The following POF1B variants were observed in gnomAD, a reference collection of about 807,000 sequenced individuals.
POF1B encodes protein POF1B.
Under a neutral mutation model 55.3 loss-of-function variants are expected in POF1B, and 53 were observed. The ratio of observed to expected loss-of-function variants is 0.96; its 90% CI spans 0.77 to 1.20. POF1B has a LOEUF of 1.20. POF1B is among the 50% of genes most tolerant of loss of function. The pLI, the probability that POF1B is intolerant of heterozygous loss-of-function variation, is 0.00. For synonymous variants in POF1B, 188 were observed against 148.3 expected, an observed-to-expected ratio of 1.27 and a Z score of -1.95; for missense variants, 478 against 420.5, an observed-to-expected ratio of 1.14 and a Z score of -1.20.
In POF1B at chrX:85,314,476, C is replaced by G. The variant is rs142142850; in HGVS notation, c.913G>C (p.Gly305Arg). 1.7e-6 allele frequency: 2 copies of G among 1,196,994 alleles called. No homozygotes were observed. The highest frequency in any genetic ancestry group is 1.8e-5 in the African/African-American group (1 of 56,755). Residue 305 changes from glycine to arginine, a missense_variant, in exon 9 of 17, where the codon GGA (glycine) becomes CGA (arginine). Coordinates refer to ENST00000262753, the MANE Select transcript of POF1B (RefSeq NM_024921.4). ...SEDIESLIPK[G>R]LSEFTKQQIR... The stretch of plus-strand genomic sequence containing the variant: ...TGCTGTTTTGTAAACTCTGATAATC[C>G]TTTAGGAATCAATGATTCAATGTCT...
At chrX:85,297,052 TA>T (rs1280864556) in intron 15 of POF1B, among the ~76,000 whole-genome samples, 2 of 112,192 alleles carry the variant, frequency 1.8e-5, no homozygotes, top group African/African-American at 3.2e-5. Context: ...GTAATTTTTG[TA>T]GTAATTTTTT....
intron 4 of POF1B, among the ~76,000 whole-genome samples, chrX:85,351,781 G>A (rs760653384): frequency 1.6e-4 from 18 of 111,093 alleles, no homozygotes; most frequent in African/African-American, 5.2e-4. Context: ...AGGCAAGCAT[G>A]AGGTCAATCT....
intron 15 of POF1B, among the ~76,000 whole-genome samples, chrX:85,289,032 A>G (rs746499861): frequency 1.8e-5 from 2 of 111,367 alleles, no homozygotes; most frequent in Non-Finnish European, 3.8e-5. Context: ...GTGGAGAGCA[A>G]TTAAGAGGAG....
At chrX:85,375,282 A>G (rs1467605487) in intron 2 of POF1B, among the ~76,000 whole-genome samples, 2 of 111,913 alleles carry the variant, frequency 1.8e-5, no homozygotes, top group Non-Finnish European at 3.8e-5. Flanking sequence ...GAGCATGGCA[A>G]ATTTCCCAAT....
chrX:85,367,420 C>G (rs1306073276), intron 3 of POF1B, among the ~76,000 whole-genome samples: 1 of 112,012 alleles, frequency 8.9e-6, no homozygotes, highest in Non-Finnish European at 1.9e-5. Flanking sequence ...TTCATCCATA[C>G]TCACTTGGCT....
At chrX:85,356,295 A>G (rs1383981520) in intron 4 of POF1B, among the ~76,000 whole-genome samples, 1 of 93,015 alleles carries the variant, frequency 1.1e-5, no homozygotes, top group Non-Finnish European at 2.1e-5. Context: ...GGCATCACAC[A>G]CTGGGGCCTG....
At chrX:85,353,650 G>A (rs751928610) in intron 4 of POF1B, among the ~76,000 whole-genome samples, 1 of 110,916 alleles carries the variant, frequency 9.0e-6, no homozygotes, top group South Asian at 3.8e-4. Context: ...ACAAAAAAAT[G>A]TCTGGGTAGA....
At chrX:85,359,757 T>G in intron 3 of POF1B, 127 bp from the exon 4 acceptor site, 1 of 448,904 alleles carries the variant, frequency 2.2e-6, no homozygotes, top group Non-Finnish European at 3.7e-6. Context: ...AATGTATGAT[T>G]TTATGATTTA....
Position 85,314,457 on chromosome X carries a change from T to C in POF1B, c.932A>G (p.Lys311Arg), listed in dbSNP as rs1932765030. Residue 311 changes from lysine (K) to arginine (R), a missense_variant, in exon 9 of 17, where the codon AAA (lysine) becomes AGA (arginine). Physicochemically the swap from Lys to Arg is conservative, Grantham distance 26. Coordinates refer to ENST00000262753, the MANE Select transcript of POF1B (RefSeq NM_024921.4). ...CTGCAGAATGTAGCGTATTTGCTGT[T>C]TTGTAAACTCTGATAATCCTTTAGG... ...LIPKGLSEFTKQQIRYILQMR... is the reference protein window; with the variant it reads ...LIPKGLSEFTRQQIRYILQMR... The C allele has an allele frequency of 8.3e-7, 1 of 1,198,298 alleles. No homozygotes were observed. Among genetic ancestry groups the C allele is most frequent in the African/African-American group, 1.8e-5 (1 of 56,354 alleles).
chrX:85,305,831 T>A lies in POF1B; in HGVS notation c.1397A>T (p.Asn466Ile), dbSNP rs1932559850. Residue 466 changes from asparagine to isoleucine, a missense_variant, in exon 13 of 17, where the codon AAC (asparagine) becomes ATC (isoleucine). Coordinates refer to ENST00000262753, the MANE Select transcript of POF1B (RefSeq NM_024921.4). ...IGNHYTEMVK[N>I]LRMEKDREIC... ...CTCTCTATCTTTCTCCATTCTCAAG[T>A]TTTTTACCATCTCCGTGTAGTGGTT... The A allele has an allele frequency of 8.3e-7, 1 of 1,207,489 alleles. No homozygotes were observed. The highest frequency in any genetic ancestry group is 2.2e-5 in the Admixed American group (1 of 45,477).
chrX:85,357,639 C>G (rs1391691332), intron 4 of POF1B, among the ~76,000 whole-genome samples: 2 of 110,741 alleles, frequency 1.8e-5, no homozygotes, highest in African/African-American at 6.6e-5. Context: ...TTTGCATTTG[C>G]CTCTGTTATG....
chrX:85,305,759 C>T, intron 13 of POF1B, 32 bp downstream of exon 13: 1 of 1,194,562 alleles, frequency 8.4e-7, no homozygotes, highest in African/African-American at 1.8e-5. Flanking sequence ...TTGTGCTGAC[C>T]TGTGTATTTA....
At chrX:85,360,768 T>G (rs1933602623) in intron 3 of POF1B, among the ~76,000 whole-genome samples, 1 of 108,408 alleles carries the variant, frequency 9.2e-6, no homozygotes, top group African/African-American at 3.4e-5. Context: ...TAGTTCTATT[T>G]TTGGCCCTTT....
At chrX:85,314,161 G>C (rs956259533) in intron 9 of POF1B, among the ~76,000 whole-genome samples, 1 of 110,685 alleles carries the variant, frequency 9.0e-6, no homozygotes, top group Admixed American at 9.7e-5. Context: ...CTATGAGATA[G>C]AGTCAGATTG....
chrX:85,333,045 A>G (rs780210457), intron 6 of POF1B, among the ~76,000 whole-genome samples: 7 of 111,452 alleles, frequency 6.3e-5, no homozygotes, highest in African/African-American at 2.3e-4. Flanking sequence ...TACATATTCT[A>G]TATAAAACCT....
intron 6 of POF1B, among the ~76,000 whole-genome samples, chrX:85,337,672 G>A (rs1484031785): frequency 1.8e-5 from 2 of 111,673 alleles, no homozygotes; most frequent in Non-Finnish European, 3.8e-5. Context: ...CTTTATAACA[G>A]TTCTGTACTT....
chrX:85,348,530 C>T (rs17325075), intron 5 of POF1B, among the ~76,000 whole-genome samples: 2,187 of 110,436 alleles, frequency 0.02, 28 homozygotes, highest in East Asian at 0.044. Flanking sequence ...TCACATGTTA[C>T]GGTAAACAGG....
chrX:85,306,175 T>C lies in POF1B; in HGVS notation c.1317+6A>G, dbSNP rs779002542. Reference sequence around the variant, plus strand: ...ATACTGTATATTTAAAAGGAAGTTTTAATACCTGCATTCTAAGGTTTTGAT... The same window carrying C: ...ATACTGTATATTTAAAAGGAAGTTTCAATACCTGCATTCTAAGGTTTTGAT... On this transcript the variant is annotated splice_donor_region_variant and intron_variant, in intron 12 of 16. Transcript: ENST00000262753. The C allele has an allele frequency of 1.7e-5, 20 of 1,188,736 alleles. No individual in the cohort carries two copies. The highest frequency in any genetic ancestry group is 1.1e-5 in the Non-Finnish European group (10 of 880,186).
intron 6 of POF1B, among the ~76,000 whole-genome samples, chrX:85,340,646 T>A (rs1262627736): frequency 2.7e-5 from 3 of 110,698 alleles, no homozygotes; most frequent in African/African-American, 9.8e-5. Context: ...GAAGTTCTTA[T>A]AGATGATTCT....
Sources: gnomAD v4.1 joint callset for allele counts (sites outside exome capture counted in the v4.1 genomes callset) on GRCh38, gnomAD v4.1.1 for gene constraint, MANE v1.5 for transcripts, NCBI Gene and HGNC (gene_info 2026-07-23, HGNC 2026-07-21) for gene names.